INTS15: variants seen among roughly 807,000 people sequenced by gnomAD.
INTS15 encodes the protein uncharacterized protein C7orf26.
At chr7:6,596,200 C>T in the INTS15 span, among the ~76,000 whole-genome samples, 20 of 151,708 alleles carry the variant, frequency 1.3e-4, no homozygotes, top group African/African-American at 2.9e-4. Flanking sequence ...GGACTACAGG[C>T]GCGCACCACC....
chr7:6,597,157 G>C, the INTS15 span, among the ~76,000 whole-genome samples: 39 of 152,292 alleles, frequency 2.6e-4, no homozygotes, highest in East Asian at 6.4e-3. Flanking sequence ...GCAGGGCCAC[G>C]CTGCTGCAGT....
the INTS15 span, chr7:6,590,339 A>G: frequency 6.3e-7 from 1 of 1,599,516 alleles, no homozygotes. Flanking sequence ...GCCGCCAAGG[A>G]GGTGTTGTAC....
the INTS15 span, among the ~76,000 whole-genome samples, chr7:6,604,321 C>A: frequency 2.4e-4 from 36 of 152,260 alleles, 2 homozygotes; most frequent in Non-Finnish European, 2.4e-4. Flanking sequence ...TGTCCTACAG[C>A]GGGGTGATAC....
At chr7:6,591,776 A>G in the INTS15 span, 1 of 1,614,148 alleles carries the variant, frequency 6.2e-7, no homozygotes, top group Non-Finnish European at 8.5e-7. Flanking sequence ...AAAGCCGATG[A>G]CAGCCGGATG....
At chr7:6,591,724 C>T in the INTS15 span, 6 of 1,613,964 alleles carry the variant, frequency 3.7e-6, no homozygotes, top group Non-Finnish European at 5.1e-6. Context: ...GGACTCTGTT[C>T]GGCAGATTAT....
At chr7:6,595,426 A>C in the INTS15 span, among the ~76,000 whole-genome samples, 5 of 152,124 alleles carry the variant, frequency 3.3e-5, no homozygotes, top group Admixed American at 2.6e-4. Flanking sequence ...GGCCTCCTAA[A>C]GTGTCGGCAT....
the INTS15 span, among the ~76,000 whole-genome samples, chr7:6,590,945 C>T: frequency 6.6e-6 from 1 of 151,012 alleles, no homozygotes; most frequent in South Asian, 2.1e-4. Flanking sequence ...CTCAAGTAAT[C>T]CTCCCGCCTC....
the INTS15 span, chr7:6,594,636 T>G: frequency 6.2e-7 from 1 of 1,600,142 alleles, no homozygotes. Context: ...TGGAAGAAGC[T>G]TCAGTCAATG....
At chr7:6,596,808 AGTCTC>A in the INTS15 span, among the ~76,000 whole-genome samples, 1 of 152,012 alleles carries the variant, frequency 6.6e-6, no homozygotes. Flanking sequence ...TTGGAGACAG[AGTCTC>A]GCTCTGTCGC....
the INTS15 span, among the ~76,000 whole-genome samples, chr7:6,597,323 C>T: frequency 2.0e-5 from 3 of 150,636 alleles, no homozygotes; most frequent in East Asian, 1.9e-4. Flanking sequence ...GAGATGGAGT[C>T]TCACTCTGTC....
the INTS15 span, chr7:6,608,190 C>A: frequency 1.9e-6 from 3 of 1,540,328 alleles, no homozygotes; most frequent in South Asian, 3.6e-5. Flanking sequence ...TCTGCGCTCT[C>A]GCTGGACGAA....
chr7:6,602,693 T>G, the INTS15 span: 1 of 471,112 alleles, frequency 2.1e-6, no homozygotes, highest in Non-Finnish European at 4.4e-6. Context: ...CCCAGTGGTG[T>G]TTGTGAATTT....
the INTS15 span, chr7:6,594,419 T>C: frequency 6.2e-7 from 1 of 1,613,920 alleles, no homozygotes; most frequent in Non-Finnish European, 8.5e-7. Context: ...AAGTGGACTG[T>C]GTGGCTTCTT....
At chr7:6,591,829 C>G in the INTS15 span, 214 of 1,613,860 alleles carry the variant, frequency 1.3e-4, no homozygotes, top group Non-Finnish European at 1.7e-4. Context: ...GGCTGTGTGT[C>G]GAATCCCGGT....
At chr7:6,595,145 C>T in the INTS15 span, among the ~76,000 whole-genome samples, 2 of 152,214 alleles carry the variant, frequency 1.3e-5, no homozygotes, top group Admixed American at 6.5e-5. Context: ...GTTTCTCCTG[C>T]CTCAGCCTCT....
chr7:6,606,961 AGTGCTG>A, the INTS15 span, among the ~76,000 whole-genome samples: 1 of 152,066 alleles, frequency 6.6e-6, no homozygotes, highest in Non-Finnish European at 1.5e-5. Flanking sequence ...GGCCTCCAAA[AGTGCTG>A]GCATTACAGG....
chr7:6,590,502 G>T, the INTS15 span: 1 of 1,528,784 alleles, frequency 6.5e-7, no homozygotes, highest in East Asian at 2.6e-5. Flanking sequence ...TCGGGTTCCC[G>T]GGCCCCGCAG....
chr7:6,598,567 T>A, the INTS15 span, among the ~76,000 whole-genome samples: 1 of 151,294 alleles, frequency 6.6e-6, no homozygotes, highest in Non-Finnish European at 1.5e-5. Context: ...ACTCCAACAG[T>A]TGGCAGGAAT....
At chr7:6,604,269 A>C in the INTS15 span, among the ~76,000 whole-genome samples, 9 of 152,162 alleles carry the variant, frequency 5.9e-5, no homozygotes, top group African/African-American at 1.9e-4. Flanking sequence ...AAAATGTTTC[A>C]TACCGATGCA....
Sources: allele counts gnomAD v4.1 joint callset (sites outside exome capture counted in the v4.1 genomes callset), GRCh38; gene constraint gnomAD v4.1.1; transcripts MANE v1.5; gene names NCBI Gene and HGNC (gene_info 2026-07-23, HGNC 2026-07-21).